The following PACRG variants were observed in gnomAD, a reference collection of about 807,000 sequenced individuals.
The protein encoded by PACRG is parkin coregulated.
A neutral mutation model predicts 29.7 loss-of-function variants in PACRG; 29 were observed. The observed-to-expected ratio is 0.98, with a 90% confidence interval of 0.73 to 1.33. The LOEUF (loss-of-function observed/expected upper bound fraction) is 1.33. PACRG is among the 40% of genes most tolerant of loss of function. PACRG has a pLI of 0.00. For missense variants in PACRG, 279 were observed against 316.2 expected, an observed-to-expected ratio of 0.88 and a Z score of 0.89; for synonymous variants, 116 against 118.7, an observed-to-expected ratio of 0.98 and a Z score of 0.15.
intron 2 of PACRG, among the ~76,000 whole-genome samples, chr6:162,987,497 G>C (rs1184114570): frequency 2.6e-5 from 4 of 152,102 alleles, no homozygotes; most frequent in South Asian, 2.1e-4. Flanking sequence ...TTCCCATGCT[G>C]TTCTCATGAC....
intron 1 of PACRG, among the ~76,000 whole-genome samples, chr6:162,782,543 T>C (rs1169400732): frequency 1.3e-5 from 2 of 151,886 alleles, no homozygotes; most frequent in African/African-American, 2.4e-5. Context: ...TTTTAAAACA[T>C]AGCACTTTCT....
At chr6:162,758,896 T>C (rs867086744) in intron 1 of PACRG, among the ~76,000 whole-genome samples, 61 of 152,186 alleles carry the variant, frequency 4.0e-4, no homozygotes, top group African/African-American at 1.4e-3. Context: ...TGAACATGAA[T>C]AATATTTAAG....
chr6:162,796,643 T>A (rs1334842270), intron 1 of PACRG, among the ~76,000 whole-genome samples: 2 of 152,118 alleles, frequency 1.3e-5, no homozygotes, highest in African/African-American at 2.4e-5. Flanking sequence ...CTTACCTTTG[T>A]CTGGTTAAAT....
At chr6:163,269,958 AG>A in intron 4 of PACRG, among the ~76,000 whole-genome samples, 1 of 73,262 alleles carries the variant, frequency 1.4e-5, no homozygotes, top group Non-Finnish European at 2.8e-5. Context: ...AAAGAAAGAA[AG>A]AAAGAAAGAA....
intron 1 of PACRG, among the ~76,000 whole-genome samples, chr6:162,752,158 A>G (rs1420028840): frequency 2.0e-5 from 3 of 152,328 alleles, no homozygotes; most frequent in Middle Eastern, 6.8e-3. Context: ...ATCTGATGCT[A>G]AAGACAGCCT....
intron 2 of PACRG, among the ~76,000 whole-genome samples, chr6:162,992,526 A>G (rs1439141742): frequency 3.4e-5 from 5 of 145,270 alleles, no homozygotes; most frequent in Non-Finnish European, 6.1e-5. Context: ...GTTTATTTGC[A>G]TAGAGGTGTT....
intron 3 of PACRG, among the ~76,000 whole-genome samples, chr6:163,066,882 T>C (rs1326143008): frequency 2.2e-4 from 34 of 151,206 alleles, no homozygotes; most frequent in Admixed American, 2.2e-3. Flanking sequence ...TTGTAAAGAG[T>C]TTTCAAGTGT....
intron 2 of PACRG, among the ~76,000 whole-genome samples, chr6:162,990,851 C>G (rs1243886808): frequency 8.0e-6 from 1 of 124,332 alleles, no homozygotes; most frequent in Non-Finnish European, 1.6e-5. Flanking sequence ...AGGTTTTCTT[C>G]TAGGGTTTTT....
At chr6:163,305,780 T>C (rs1449258319) in intron 4 of PACRG, among the ~76,000 whole-genome samples, 1 of 152,180 alleles carries the variant, frequency 6.6e-6, no homozygotes, top group East Asian at 1.9e-4. Flanking sequence ...AAAAGTGATA[T>C]TTTTTATCAT....
chr6:162,854,605 G>T (rs1013134686), intron 2 of PACRG, among the ~76,000 whole-genome samples: 2 of 152,148 alleles, frequency 1.3e-5, no homozygotes, highest in African/African-American at 4.8e-5. Context: ...ATTTGTGTAT[G>T]CAGTTTTAAA....
At chr6:163,065,638 A>C (rs922362276) in intron 3 of PACRG, among the ~76,000 whole-genome samples, 1 of 152,206 alleles carries the variant, frequency 6.6e-6, no homozygotes, top group East Asian at 1.9e-4. Flanking sequence ...ATACCTCAAC[A>C]ACATCTGGCA....
chr6:162,930,775 G>A (rs1797795064), intron 2 of PACRG, among the ~76,000 whole-genome samples: 1 of 151,692 alleles, frequency 6.6e-6, no homozygotes, highest in Non-Finnish European at 1.5e-5. Flanking sequence ...CTATACCAGT[G>A]TGTTGAAAGT....
chr6:162,894,691 TGTTATAATTA>T, intron 2 of PACRG, among the ~76,000 whole-genome samples: 1 of 152,202 alleles, frequency 6.6e-6, no homozygotes, highest in Non-Finnish European at 1.5e-5. Context: ...TGGATGAACG[TGTTATAATTA>T]GGTTTCCTTT....
At chr6:163,015,471 C>T (rs899655127) in intron 2 of PACRG, among the ~76,000 whole-genome samples, 3 of 152,154 alleles carry the variant, frequency 2.0e-5, no homozygotes, top group African/African-American at 7.2e-5. Context: ...ACCAATTCTG[C>T]TTCTAATCCA....
chr6:163,119,137 C>G (rs1171833745), intron 4 of PACRG, among the ~76,000 whole-genome samples: 1 of 152,190 alleles, frequency 6.6e-6, no homozygotes, highest in Admixed American at 6.5e-5. Flanking sequence ...CTGCTGTGCT[C>G]TCAGAGATGC....
At chr6:162,800,154 G>T (rs1163109052) in intron 1 of PACRG, among the ~76,000 whole-genome samples, 1 of 152,088 alleles carries the variant, frequency 6.6e-6, no homozygotes, top group East Asian at 1.9e-4. Flanking sequence ...AACTGCACTT[G>T]GGCACTTAAA....
chr6:162,996,880 G>A (rs947289519), intron 2 of PACRG, among the ~76,000 whole-genome samples: 2 of 152,096 alleles, frequency 1.3e-5, no homozygotes, highest in African/African-American at 2.4e-5. Context: ...TATATGCTAA[G>A]TAATCAGGGT....
intron 4 of PACRG, among the ~76,000 whole-genome samples, chr6:163,214,524 A>G (rs1781284911): frequency 6.6e-6 from 1 of 152,042 alleles, no homozygotes; most frequent in Non-Finnish European, 1.5e-5. Flanking sequence ...TTTTCTTTAT[A>G]TAAATTTATA....
At chr6:162,889,629 T>A (rs1264399335) in intron 2 of PACRG, among the ~76,000 whole-genome samples, 2 of 152,240 alleles carry the variant, frequency 1.3e-5, no homozygotes, top group Non-Finnish European at 2.9e-5. Context: ...TTCTCTTGTA[T>A]ACTTGTGTTT....
Sources: allele counts gnomAD v4.1 joint callset (sites outside exome capture counted in the v4.1 genomes callset), GRCh38; gene constraint gnomAD v4.1.1; transcripts MANE v1.5; gene names NCBI Gene and HGNC (gene_info 2026-07-23, HGNC 2026-07-21).